Variants in DNAH2 observed in about 807,000 individuals in gnomAD.
DNAH2 encodes axonemal beta dynein heavy chain 2.
Under a neutral mutation model 523.5 loss-of-function variants are expected in DNAH2, and 323 were observed. The ratio of observed to expected loss-of-function variants is 0.62; its 90% CI spans 0.56 to 0.68. The LOEUF is 0.68. DNAH2 is among the 30% of genes least tolerant of loss of function. The pLI is 0.00. For synonymous variants in DNAH2, 2,093 were observed against 2,177.4 expected (o/e 0.96, Z 1.08); for missense variants, 4,907 against 5,701.5 (o/e 0.86, Z 4.49).
Position 7,792,820 on chromosome 17 carries a change from C to T in DNAH2, c.7309C>T (p.Gln2437Ter), listed in dbSNP as rs774516018. The T allele has an allele frequency of 6.2e-7, 1 of 1,614,178 alleles. No individual in the cohort carries two copies. The highest frequency in any genetic ancestry group is 8.5e-7 in the Non-Finnish European group (1 of 1,180,008). Residue 2437 changes from glutamine to a stop codon, truncating the protein, a stop_gained, in exon 47 of 86, where the codon CAG becomes TAG. Transcript: ENST00000572933. LOFTEE classifies it high-confidence loss of function. ...QSVLQSLPSS[Q>*]WSVLVVNMSA... ...CGTTCTGCAGTCCCTGCCCTCCAGC[C>T]AGTGGTCGGTGCTCGTTGTCAACAT...
chr17:7,789,730 C>G (rs2076844429), intron 44 of DNAH2, among the ~76,000 whole-genome samples: 1 of 152,070 alleles, frequency 6.6e-6, no homozygotes, highest in South Asian at 2.1e-4. Context: ...GTGCCTGCCA[C>G]CACACCCAGC....
Position 7,786,097 on chromosome 17 carries a change from T to C in DNAH2, c.6130-27T>C. 1.2e-6 allele frequency: 2 copies of C among 1,612,272 alleles called. No homozygotes were observed. Among genetic ancestry groups the C allele is most frequent in the African/African-American group, 1.3e-5 (1 of 74,944 alleles). On this transcript the variant is annotated intron_variant, in intron 39 of 85. Coordinates refer to ENST00000572933, the MANE Select transcript of DNAH2 (RefSeq NM_020877.5). The surrounding 1 kb of genome is among the most constrained non-coding windows in gnomAD (Gnocchi z 7.5). Reference sequence around the variant, plus strand: ...TTTAAAGGCCTCATCCTTTTTCTTCTGCTTGCTGTGTTTTCCCTTCCCTCA... The same window carrying C: ...TTTAAAGGCCTCATCCTTTTTCTTCCGCTTGCTGTGTTTTCCCTTCCCTCA...
intron 12 of DNAH2, among the ~76,000 whole-genome samples, chr17:7,750,852 A>C (rs1304011421): frequency 6.6e-6 from 1 of 152,150 alleles, no homozygotes; most frequent in Non-Finnish European, 1.5e-5. Flanking sequence ...TCATTCTTGG[A>C]GGATTCTTCT....
intron 13 of DNAH2, 130 bp from the exon 14 acceptor site, chr17:7,758,365 T>C: frequency 1.7e-6 from 2 of 1,195,584 alleles, no homozygotes; most frequent in Non-Finnish European, 2.3e-6. Flanking sequence ...TTGGAAGTAC[T>C]AGTCTAGAAT....
chr17:7,749,113 A>G (rs2075595984), intron 12 of DNAH2, among the ~76,000 whole-genome samples: 1 of 151,372 alleles, frequency 6.6e-6, no homozygotes, highest in African/African-American at 2.4e-5. Flanking sequence ...GTTCGAGACC[A>G]GCCTGACCAA....
Position 7,793,040 on chromosome 17 carries a change from TG to T in DNAH2, c.7405del (p.Val2469SerfsTer10). On this transcript the variant is annotated frameshift_variant, in exon 48 of 86. Transcript: ENST00000572933. LOFTEE classifies it high-confidence loss of function. Reference sequence around the variant, plus strand: ...GCAGGGTTGAGAAGCGAACCAAGGGTGTCTACGTGCCATTCGGGGGCAAAAG... The same window carrying T: ...GCAGGGTTGAGAAGCGAACCAAGGGTTCTACGTGCCATTCGGGGGCAAAAG... ...ESRVEKRTKG[V>X]YVPFGGKSMI... The T allele has an allele frequency of 6.2e-7, 1 of 1,614,054 alleles. No individual in the cohort carries two copies. The highest frequency in any genetic ancestry group is 8.5e-7 in the Non-Finnish European group (1 of 1,179,980).
rs548637082 is a variant in DNAH2 at position 7,833,601 on chromosome 17, C to A, written c.*68C>A. On this transcript the variant is annotated 3_prime_UTR_variant, in exon 86 of 86. Transcript: ENST00000572933. ...CCAGGAGCTAAGACAGATGTTGCAC[C>A]TAGGACTGAGGCCGGACCTCACTCA... is the stretch of plus-strand genomic sequence containing the variant. 1 of 1,599,128 alleles carries A rather than the reference C, an allele frequency of 6.3e-7. No individual in the cohort carries two copies. Among genetic ancestry groups the A allele is most frequent in the African/African-American group, 1.3e-5 (1 of 74,950 alleles).
intron 85 of DNAH2, 25 bp from the exon 86 acceptor site, chr17:7,833,354 T>C: frequency 6.2e-7 from 1 of 1,612,480 alleles, no homozygotes; most frequent in Non-Finnish European, 8.5e-7. Flanking sequence ...TCCAGGGGTC[T>C]GACTTCTCCT....
chr17:7,817,139 AG>A (rs1439460961), intron 64 of DNAH2, 150 bp from the exon 65 acceptor site: 5 of 1,069,204 alleles, frequency 4.7e-6, no homozygotes, highest in Non-Finnish European at 6.4e-6. Flanking sequence ...AATTAGAACC[AG>A]GCTAGAGTTG....
In DNAH2 at chr17:7,833,081, G is replaced by A; in HGVS notation, c.12989G>A (p.Trp4330Ter). 6.2e-7 allele frequency: 1 copy of A among 1,613,216 alleles called. No individual in the cohort carries two copies. The highest frequency in any genetic ancestry group is 2.2e-5 in the East Asian group (1 of 44,856). Residue 4330 changes from tryptophan (W) to a stop codon, truncating the protein, a stop_gained, in exon 85 of 86, where the codon TGG (tryptophan) becomes TAG (stop). Transcript: ENST00000572933. LOFTEE classifies it high-confidence loss of function. ...NLVYPPKDGVWVRGLYLEGAG... is the reference protein window; with the variant it reads ...NLVYPPKDGV Reference sequence around the variant, plus strand: ...CCCATTTCTCCCCAGGATGGTGTCTGGGTCCGGGGCCTGTACCTGGAAGGT... The same window carrying A: ...CCCATTTCTCCCCAGGATGGTGTCTAGGTCCGGGGCCTGTACCTGGAAGGT...
intron 18 of DNAH2, among the ~76,000 whole-genome samples, 186 bp downstream of exon 18, chr17:7,761,118 C>T (rs2075993283): frequency 6.6e-6 from 1 of 152,122 alleles, no homozygotes; most frequent in Non-Finnish European, 1.5e-5. Flanking sequence ...CAGGGAAGAG[C>T]TGGACAGGAT....
chr17:7,786,128 G>T lies in DNAH2; in HGVS notation c.6134G>T (p.Arg2045Leu). The T allele has an allele frequency of 1.9e-6, 3 of 1,613,814 alleles. No homozygotes were observed. Among genetic ancestry groups the T allele is most frequent in the Non-Finnish European group, 2.5e-6 (3 of 1,180,004 alleles). ...ELPVIDYGKL[R>L]ETVEQEIRDM... ...CTGTGTTTTCCCTTCCCTCAGCTGC[G>T]GGAGACCGTTGAGCAGGAGATTCGA... The change falls in exon 40 of 86, where the codon CGG becomes CTG. Residue 2045 changes from arginine (R) to leucine (L), a missense_variant. Arg to Leu is a moderately radical substitution (Grantham distance 102, BLOSUM62 -2). Around this residue, in one of 3 missense-constraint regions of DNAH2, gnomAD observed 2,806 missense variants for 3,190.8 expected, o/e 0.88. Transcript: ENST00000572933. The surrounding 1 kb of genome is among the most constrained non-coding windows in gnomAD (Gnocchi z 7.5).
rs578256481 is a variant in DNAH2 at position 7,740,069 on chromosome 17, G to T, written c.1376+131G>T. ...GATCGGGATCAGGGCGGTGGCCCGG[G>T]GGGGGGGACAGGAGAGAGTGCAGGG... On this transcript the variant is annotated intron_variant, in intron 9 of 85. Transcript: ENST00000572933. 3.1e-5 allele frequency: 24 copies of T among 767,024 alleles called. 1 individual carries two copies. The highest frequency in any genetic ancestry group is 4.6e-5 in the East Asian group (1 of 21,896). 47.5% of individuals were successfully genotyped at this position (767,024 alleles called of 1,614,324 possible).
chr17:7,818,878 C>T (rs751823788), intron 70 of DNAH2, 41 bp from the exon 71 acceptor site: 16 of 1,607,068 alleles, frequency 1.0e-5, no homozygotes, highest in African/African-American at 1.3e-5. Context: ...AGCCTGGTCC[C>T]GCTAACCCCT....
In DNAH2 at chr17:7,825,162, A is replaced by G. The variant is rs1465217046; in HGVS notation, c.11853+435A>G. On this transcript the variant is annotated intron_variant, in intron 77 of 85. Transcript: ENST00000572933. ...TTCCTTACATCCTCTTCCGAATGTCACACTTCCTGCCTCTTTGCCTTTCCT... is the reference window on the plus strand; with the variant it reads ...TTCCTTACATCCTCTTCCGAATGTCGCACTTCCTGCCTCTTTGCCTTTCCT... Among the ~76,000 whole-genome samples, 3 of 152,162 alleles carry G rather than the reference A, an allele frequency of 2.0e-5. No individual in the cohort carries two copies. In the East Asian group the frequency reaches 5.8e-4, roughly 29 times the overall value.
rs138914983 is a variant in DNAH2 at position 7,787,024 on chromosome 17, G to A, written c.6594G>A (p.Met2198Ile). ...TCATCAACGGCGAGCGCATCGCGAT[G>A]CCCGAGCAGGTCAGGGACGCGGCTG... is the stretch of plus-strand genomic sequence containing the variant. ...LTLINGERIA[M>I]PEQVSLLFEV... is the part of the protein sequence containing the mutation. The change falls in exon 42 of 86, where the codon ATG (methionine) becomes ATA (isoleucine). Residue 2198 changes from methionine (M) to isoleucine (I), a missense_variant. Physicochemically the swap from Met to Ile is conservative, Grantham distance 10 (BLOSUM62 1). Around this residue, in one of 3 missense-constraint regions of DNAH2, gnomAD observed 2,806 missense variants for 3,190.8 expected, o/e 0.88. Transcript: ENST00000572933. 74 of 1,613,902 alleles carry A rather than the reference G, an allele frequency of 4.6e-5. No individual in the cohort carries two copies. The highest frequency in any genetic ancestry group is 6.0e-5 in the Non-Finnish European group (71 of 1,180,026).
chr17:7,748,229 C>T (rs1022087168), intron 12 of DNAH2, among the ~76,000 whole-genome samples: 11 of 152,210 alleles, frequency 7.2e-5, no homozygotes, highest in African/African-American at 2.7e-4. Context: ...CATCCACACC[C>T]TGGCTGAAGG....
intron 85 of DNAH2, 34 bp from the exon 86 acceptor site, chr17:7,833,345 C>G: frequency 1.2e-6 from 2 of 1,611,812 alleles, no homozygotes; most frequent in Non-Finnish European, 1.7e-6. Context: ...CCCGGAGGCT[C>G]CAGGGGTCTG....
At chr17:7,819,674 C>A (rs1043840755) in intron 72 of DNAH2, among the ~76,000 whole-genome samples, 1 of 152,198 alleles carries the variant, frequency 6.6e-6, no homozygotes, top group African/African-American at 2.4e-5. Context: ...TGTTAACGGG[C>A]AGGAAGTGCA....
Sources: allele counts gnomAD v4.1 joint callset (sites outside exome capture counted in the v4.1 genomes callset), GRCh38; gene constraint gnomAD v4.1.1; regional missense constraint gnomAD v4.1.1; non-coding constraint Gnocchi (gnomAD v3.1); transcripts MANE v1.5; gene names NCBI Gene and HGNC (gene_info 2026-07-23, HGNC 2026-07-21).